ATP8B4: variants seen among roughly 807,000 people sequenced by gnomAD.
The protein encoded by ATP8B4 is probable phospholipid-transporting ATPase IM.
ATP8B4 carries 133 observed loss-of-function variants against 145.6 expected under a neutral mutation model. The observed-to-expected ratio is 0.91, with a 90% CI of 0.79 to 1.05. ATP8B4 has a LOEUF of 1.05. ATP8B4 is among the 50% of genes least tolerant of loss of function. ATP8B4 has a pLI of 0.00. For missense variants in ATP8B4, 1,458 were observed against 1,425.2 expected (o/e 1.02, Z -0.37); for synonymous variants, 507 against 492.9 (o/e 1.03, Z -0.38).
intron 3 of ATP8B4, among the ~76,000 whole-genome samples, chr15:50,047,927 G>T (rs565189784): frequency 6.6e-6 from 1 of 152,284 alleles, no homozygotes; most frequent in East Asian, 1.9e-4. Context: ...TGACTGCCTC[G>T]CAAGGCAGCC....
intron 3 of ATP8B4, among the ~76,000 whole-genome samples, chr15:50,048,303 G>A (rs893119030): frequency 2.6e-5 from 4 of 152,076 alleles, no homozygotes; most frequent in East Asian, 3.9e-4. Flanking sequence ...GTAGGAGAGC[G>A]AGAAGGTAGC....
chr15:50,111,858 C>G (rs1270200651), intron 1 of ATP8B4, among the ~76,000 whole-genome samples: 1 of 152,168 alleles, frequency 6.6e-6, no homozygotes, highest in Admixed American at 6.5e-5. Context: ...TCCTTTAAGA[C>G]ATTCTGCAAT....
chr15:50,036,536 T>C (rs1365980424), intron 6 of ATP8B4, among the ~76,000 whole-genome samples: 1 of 152,002 alleles, frequency 6.6e-6, no homozygotes, highest in Non-Finnish European at 1.5e-5. Context: ...TATCTCAAAA[T>C]CCAAAAAGTG....
intron 3 of ATP8B4, among the ~76,000 whole-genome samples, chr15:50,047,979 T>C (rs969602929): frequency 6.6e-6 from 1 of 152,198 alleles, no homozygotes; most frequent in Admixed American, 6.5e-5. Flanking sequence ...TGGTCCTTAT[T>C]ATGAGGAACC....
At chr15:50,111,785 T>C (rs545757833) in intron 1 of ATP8B4, among the ~76,000 whole-genome samples, 2 of 152,170 alleles carry the variant, frequency 1.3e-5, no homozygotes, top group Non-Finnish European at 2.9e-5. Flanking sequence ...GGCAGACCAT[T>C]GATGTCTCTT....
chr15:50,171,045 T>G (rs962141615), intron 1 of ATP8B4, among the ~76,000 whole-genome samples: 3 of 152,134 alleles, frequency 2.0e-5, no homozygotes, highest in African/African-American at 7.2e-5. Context: ...ACACTAGAGC[T>G]CCCTAATTTA....
At position 49,934,039 on chromosome 15, in the gene ATP8B4, TAC is replaced by T. The variant is rs1392661391; in HGVS notation, c.1429_1430del (p.Val477AsnfsTer6). The T allele has an allele frequency of 5.6e-6, 9 of 1,610,848 alleles. No homozygotes were observed. The highest frequency in any genetic ancestry group is 7.6e-6 in the Non-Finnish European group (9 of 1,178,554). On this transcript the variant is annotated frameshift_variant, in exon 15 of 28. Coordinates refer to ENST00000284509, the MANE Select transcript of ATP8B4 (RefSeq NM_024837.4). LOFTEE classifies it high-confidence loss of function. ...FLRLLALCHT[V>X]MSEENSAGEL... ...TACCTGCGCTATTCTCTTCTGACAT[TAC>T]AGTGTGGCAGAGAGCAAGTAACCTA...
chr15:50,064,983 T>C (rs1471441978), intron 3 of ATP8B4, among the ~76,000 whole-genome samples: 1 of 152,118 alleles, frequency 6.6e-6, no homozygotes, highest in African/African-American at 2.4e-5. Flanking sequence ...CATAATCCAG[T>C]CACCTTCTAC....
intron 2 of ATP8B4, among the ~76,000 whole-genome samples, chr15:50,082,946 T>C (rs2054648113): frequency 6.6e-6 from 1 of 152,136 alleles, no homozygotes; most frequent in Admixed American, 6.5e-5. Flanking sequence ...GCCTCCCTTA[T>C]AAAAGAAACT....
chr15:49,941,719 T>G (rs974217390), intron 14 of ATP8B4, among the ~76,000 whole-genome samples: 2 of 152,122 alleles, frequency 1.3e-5, no homozygotes, highest in Non-Finnish European at 2.9e-5. Flanking sequence ...TAAGTCATCA[T>G]ATAAAAAGAC....
chr15:50,145,929 AAATG>A (rs1248568584), intron 1 of ATP8B4, among the ~76,000 whole-genome samples: 5 of 152,178 alleles, frequency 3.3e-5, no homozygotes, highest in Admixed American at 6.5e-5. Flanking sequence ...AAAAGGATGA[AAATG>A]AATGAGAAAG....
chr15:50,087,333 A>C, intron 2 of ATP8B4, among the ~76,000 whole-genome samples: 1 of 28,448 alleles, frequency 3.5e-5, no homozygotes, highest in African/African-American at 5.0e-4. Flanking sequence ...ATCTATATTT[A>C]TATATAATAT....
intron 2 of ATP8B4, among the ~76,000 whole-genome samples, chr15:50,094,856 C>T (rs147644738): frequency 2.0e-5 from 3 of 151,932 alleles, no homozygotes; most frequent in African/African-American, 7.2e-5. Flanking sequence ...GCCTTCACTG[C>T]GAGCTCAGTG....
Position 49,931,297 on chromosome 15 carries a change from A to T in ATP8B4, c.1464T>A (p.Ile488=). The change falls in exon 16 of 28, where the codon ATT becomes ATA. Residue 488 remains isoleucine (I), a synonymous_variant. Transcript: ENST00000284509. ...MSEENSAGEL[I]YQVQSPDEGA... ...CTTCATCAGGTGACTGAACTTGGTA[A>T]ATCAGCTCTCCTAAAAGGTAAAGAA... 1 of 1,612,046 alleles carries T rather than the reference A, an allele frequency of 6.2e-7. No homozygotes were observed. The highest frequency in any genetic ancestry group is 8.5e-7 in the Non-Finnish European group (1 of 1,178,874).
chr15:50,001,929 A>G (rs373702182), intron 8 of ATP8B4, among the ~76,000 whole-genome samples: 3 of 152,320 alleles, frequency 2.0e-5, no homozygotes, highest in East Asian at 1.9e-4. Context: ...TTCTCTGTGT[A>G]AAGTTATTCC....
At chr15:50,153,003 CACACAGAAAGA>C (rs1463787338) in intron 1 of ATP8B4, among the ~76,000 whole-genome samples, 2 of 152,166 alleles carry the variant, frequency 1.3e-5, no homozygotes, top group African/African-American at 2.4e-5. Context: ...CATTTAATTA[CACACAGAAAGA>C]ATGTGTCCAA....
chr15:49,995,772 A>G (rs1033038248), intron 9 of ATP8B4, among the ~76,000 whole-genome samples: 3 of 152,192 alleles, frequency 2.0e-5, no homozygotes, highest in African/African-American at 7.2e-5. Flanking sequence ...ATTAGTAAAT[A>G]AAGCCAATCT....
chr15:49,935,316 T>C lies in ATP8B4; in HGVS notation c.1288-1134A>G, dbSNP rs2153471729. Among the ~76,000 whole-genome samples the C allele has an allele frequency of 2.6e-5, 4 of 152,226 alleles. No individual in the cohort carries two copies. The South Asian group carries it at 8.3e-4, about 32-fold the overall frequency. ...TAGTGGATACTACTATTATCCCCGT[T>C]TTACAGATGAGAACCTGAGCATTGC... On this transcript the variant is annotated intron_variant, in intron 14 of 27. Coordinates refer to ENST00000284509, the MANE Select transcript of ATP8B4 (RefSeq NM_024837.4).
chr15:49,931,977 T>C (rs952428424), intron 15 of ATP8B4, among the ~76,000 whole-genome samples: 2 of 151,656 alleles, frequency 1.3e-5, no homozygotes, highest in Non-Finnish European at 2.9e-5. Flanking sequence ...AAATAAGTTA[T>C]ATGTATATAT....
Sources: allele counts gnomAD v4.1 joint callset (sites outside exome capture counted in the v4.1 genomes callset), GRCh38; gene constraint gnomAD v4.1.1; transcripts MANE v1.5; gene names NCBI Gene and HGNC (gene_info 2026-07-23, HGNC 2026-07-21).